NAA25: variants seen among roughly 807,000 people sequenced by gnomAD.
The protein encoded by NAA25 is N-alpha-acetyltransferase 25, NatB auxiliary subunit.
Under a neutral mutation model 132.5 loss-of-function variants are expected in NAA25, and 30 were observed. That is an observed-to-expected ratio of 0.23 (90% CI 0.17 to 0.31). The LOEUF (loss-of-function observed/expected upper bound fraction) is 0.31. NAA25 is among the 10% of genes least tolerant of loss of function. The probability of loss-of-function intolerance (pLI) is 1.00; values close to 1 mark genes in which losing one functional copy is unlikely to be tolerated. For synonymous variants in NAA25, 359 were observed against 401.9 expected (o/e 0.89, Z 1.28); for missense variants, 771 against 1,150.4 (o/e 0.67, Z 4.77).
intron 13 of NAA25, among the ~76,000 whole-genome samples, chr12:112,059,021 C>A (rs571333377): frequency 7.8e-6 from 1 of 128,214 alleles, no homozygotes; most frequent in South Asian, 2.7e-4. Flanking sequence ...TTGCAGTGAG[C>A]TGAGATTGCA....
intron 1 of NAA25, among the ~76,000 whole-genome samples, chr12:112,096,088 C>G (rs2136937503): frequency 6.6e-6 from 1 of 152,280 alleles, no homozygotes; most frequent in African/African-American, 2.4e-5. Context: ...TATTTGGGAA[C>G]TCTGTACTTT....
intron 13 of NAA25, among the ~76,000 whole-genome samples, chr12:112,054,806 A>C (rs1158247962): frequency 6.6e-6 from 1 of 152,182 alleles, no homozygotes; most frequent in Non-Finnish European, 1.5e-5. Flanking sequence ...GCAGATTTTA[A>C]GTGGCCAGGT....
intron 13 of NAA25, among the ~76,000 whole-genome samples, chr12:112,058,846 C>A (rs994226207): frequency 6.6e-6 from 1 of 151,958 alleles, no homozygotes; most frequent in African/African-American, 2.4e-5. Context: ...ATAACGAGGT[C>A]AGGTAATCGA....
intron 17 of NAA25, among the ~76,000 whole-genome samples, chr12:112,045,486 CA>C (rs75644384): frequency 0.22 from 18,041 of 80,640 alleles, 1,633 homozygotes; most frequent in African/African-American, 0.34. Flanking sequence ...GACTCCATCA[CA>C]AAAAAAAAAA....
chr12:112,028,632 GTATATA>G lies in NAA25; in HGVS notation c.*893_*898del, dbSNP rs146516127. 6.6e-6 allele frequency: 1 copy of G among 150,748 alleles called. No individual in the cohort carries two copies. The highest frequency in any genetic ancestry group is 1.5e-5 in the Non-Finnish European group (1 of 67,726). The allele number at this position is 150,748 out of a possible 1,614,324, so 9.3% of individuals were successfully genotyped here. ...TAATTTTCAAGTCATATATATATGT[GTATATA>G]TATATATGTATATATATGACTCACA... On this transcript the variant is annotated 3_prime_UTR_variant, in exon 24 of 24. Coordinates refer to ENST00000261745, the MANE Select transcript of NAA25 (RefSeq NM_024953.4).
At chr12:112,050,930 A>C (rs530746040) in intron 15 of NAA25, among the ~76,000 whole-genome samples, 25 of 152,322 alleles carry the variant, frequency 1.6e-4, no homozygotes, top group African/African-American at 4.6e-4. Context: ...TTTAAGTAAA[A>C]GTGTCCTGTC....
intron 23 of NAA25, among the ~76,000 whole-genome samples, chr12:112,032,097 G>T (rs528915916): frequency 5.5e-4 from 83 of 151,776 alleles, no homozygotes; most frequent in Non-Finnish European, 9.1e-4. Flanking sequence ...CCGAGTAGCT[G>T]GGACTAGAGG....
At chr12:112,059,137 G>A (rs2078590439) in intron 13 of NAA25, among the ~76,000 whole-genome samples, 1 of 134,982 alleles carries the variant, frequency 7.4e-6, no homozygotes. Flanking sequence ...GCTGGGCTTG[G>A]TGGCATGTGC....
intron 5 of NAA25, among the ~76,000 whole-genome samples, chr12:112,079,496 GAGAC>G (rs943213069): frequency 6.6e-6 from 1 of 151,904 alleles, no homozygotes; most frequent in Non-Finnish European, 1.5e-5. Context: ...TTGGGAGGCT[GAGAC>G]ATGAGAATCG....
intron 23 of NAA25, among the ~76,000 whole-genome samples, chr12:112,031,539 C>G (rs1181187247): frequency 6.6e-6 from 1 of 152,138 alleles, no homozygotes; most frequent in African/African-American, 2.4e-5. Context: ...AAGACAAGAA[C>G]AGAAGCTAGG....
Position 112,040,470 on chromosome 12 carries a change from C to A in NAA25, c.2538+11G>T, listed in dbSNP as rs1166732969. On this transcript the variant is annotated intron_variant, in intron 21 of 23. Transcript: ENST00000261745. Reference sequence around the variant, plus strand: ...ACAACAATGTCTTTTAGGAAGAGAACAAAAACTTACCTCAACAAAGAAAAC... The same window carrying A: ...ACAACAATGTCTTTTAGGAAGAGAAAAAAAACTTACCTCAACAAAGAAAAC... The A allele has an allele frequency of 3.3e-6, 5 of 1,523,108 alleles. No homozygotes were observed. Among genetic ancestry groups the A allele is most frequent in the Non-Finnish European group, 2.7e-6 (3 of 1,104,576 alleles). 94.3% of individuals were successfully genotyped at this position (1,523,108 alleles called of 1,614,324 possible).
At chr12:112,075,032 C>T (rs2078876052) in intron 8 of NAA25, among the ~76,000 whole-genome samples, 1 of 152,008 alleles carries the variant, frequency 6.6e-6, no homozygotes, top group African/African-American at 2.4e-5. Flanking sequence ...GAAAAGTCCC[C>T]ACATAAGCAC....
At chr12:112,050,319 T>G (rs76572214) in intron 15 of NAA25, among the ~76,000 whole-genome samples, 156 of 152,258 alleles carry the variant, frequency 1.0e-3, no homozygotes, top group African/African-American at 3.5e-3. Flanking sequence ...ACAGGCACTT[T>G]AAAGACTTTT....
Position 112,064,636 on chromosome 12 carries a change from G to A in NAA25, c.1150-3248C>T, listed in dbSNP as rs551779643. On this transcript the variant is annotated intron_variant, in intron 11 of 23. Transcript: ENST00000261745. ...TAGGTTTACTGTGGCCTTCTTTAAT[G>A]AATTCTAAAGAAACATCTTCCTGAC... Among the ~76,000 whole-genome samples the A allele has an allele frequency of 2.1e-4, 32 of 152,258 alleles. 1 individual carries two copies. Among genetic ancestry groups the A allele is most frequent in the Non-Finnish European group, 4.0e-4 (27 of 68,022 alleles).
chr12:112,050,462 C>T (rs1224401249), intron 15 of NAA25, among the ~76,000 whole-genome samples: 1 of 151,938 alleles, frequency 6.6e-6, no homozygotes, highest in African/African-American at 2.4e-5. Flanking sequence ...GACATAAAAC[C>T]CCTGAATAAT....
chr12:112,047,852 T>A, intron 16 of NAA25, 62 bp from the exon 17 acceptor site: 1 of 1,481,384 alleles, frequency 6.8e-7, no homozygotes. Flanking sequence ...ATATTATTAA[T>A]CAGGACTTCC....
At chr12:112,062,383 A>C (rs2078645085) in intron 11 of NAA25, among the ~76,000 whole-genome samples, 2 of 150,898 alleles carry the variant, frequency 1.3e-5, no homozygotes, top group Admixed American at 1.3e-4. Flanking sequence ...CCTGGGCAAC[A>C]GAGCGAGACT....
chr12:112,026,753 C>A lies in NAA25; in HGVS notation c.*2778G>T, dbSNP rs1297064858. 1 of 152,140 alleles carries A rather than the reference C, an allele frequency of 6.6e-6. No individual in the cohort carries two copies. The highest frequency in any genetic ancestry group is 1.5e-5 in the Non-Finnish European group (1 of 68,026). The allele number at this position is 152,140 out of a possible 1,614,324, so 9.4% of individuals were successfully genotyped here. A position where few individuals can be genotyped will look rare whatever the true frequency, so the allele number is the denominator to read the frequency against. ...TCCAGTTTAAAGTAGATTTGCTATG[C>A]TTCACTTACTTAAGGAAGAATATAT... On this transcript the variant is annotated 3_prime_UTR_variant, in exon 24 of 24. Coordinates refer to ENST00000261745, the MANE Select transcript of NAA25 (RefSeq NM_024953.4).
chr12:112,105,277 C>A (rs146580817), intron 1 of NAA25, among the ~76,000 whole-genome samples: 1 of 152,230 alleles, frequency 6.6e-6, no homozygotes, highest in East Asian at 1.9e-4. Context: ...CAAGACACTC[C>A]AGCCTGGGTG....
Sources: gnomAD v4.1 joint callset for allele counts (sites outside exome capture counted in the v4.1 genomes callset) on GRCh38, gnomAD v4.1.1 for gene constraint, MANE v1.5 for transcripts, NCBI Gene and HGNC (gene_info 2026-07-23, HGNC 2026-07-21) for gene names.